The following EYS variants were observed in gnomAD, a reference collection of about 807,000 sequenced individuals.
EYS encodes protein eyes shut homolog.
Under a neutral mutation model 282.1 loss-of-function variants are expected in EYS, and 250 were observed. The observed-to-expected ratio is 0.89, with a 90% CI of 0.80 to 0.98. The LOEUF is 0.98. Ranked by LOEUF, EYS falls within the 50% of genes least tolerant of loss-of-function variation. The pLI, the probability that EYS is intolerant of heterozygous loss-of-function variation, is 0.00. For synonymous variants in EYS, 1,355 were observed against 1,282.9 expected, an observed-to-expected ratio of 1.06 and a Z score of -1.20; for missense variants, 4,016 against 3,709.0, an observed-to-expected ratio of 1.08 and a Z score of -2.15.
At chr6:64,095,902 C>A (rs1404714348) in intron 31 of EYS, among the ~76,000 whole-genome samples, 1 of 152,212 alleles carries the variant, frequency 6.6e-6, no homozygotes, top group Admixed American at 6.5e-5. Flanking sequence ...CCGGTTGCTC[C>A]TTTCCATGTT....
chr6:65,205,361 C>G (rs1173987745), intron 12 of EYS, among the ~76,000 whole-genome samples: 1 of 151,582 alleles, frequency 6.6e-6, no homozygotes, highest in South Asian at 2.1e-4. Context: ...TTTAACTATT[C>G]TAAATATATA....
intron 31 of EYS, among the ~76,000 whole-genome samples, chr6:64,166,659 G>A (rs968814869): frequency 6.6e-6 from 1 of 152,178 alleles, no homozygotes; most frequent in South Asian, 2.1e-4. Flanking sequence ...GGCAAAGTTG[G>A]TGCTAATGAA....
At chr6:65,154,119 TC>T (rs1469029462) in intron 12 of EYS, among the ~76,000 whole-genome samples, 1 of 151,818 alleles carries the variant, frequency 6.6e-6, no homozygotes, top group Non-Finnish European at 1.5e-5. Context: ...AGGGCTCAAG[TC>T]TTTTGAACCT....
chr6:63,854,475 C>A lies in EYS; in HGVS notation c.7228+9711G>T, dbSNP rs1300706335. 3.9e-5 allele frequency among the ~76,000 whole-genome samples: 6 copies of A among 152,022 alleles called. No homozygotes were observed. In the East Asian group the frequency reaches 1.2e-3, roughly 29 times the overall value. On this transcript the variant is annotated intron_variant, in intron 36 of 42. Coordinates refer to ENST00000503581, the MANE Select transcript of EYS (RefSeq NM_001142800.2). ...TCAGGGGGTGGGTGGCAAGGGGAGG[C>A]ATAGGATTAGCACAAATACCTAATG...
intron 32 of EYS, among the ~76,000 whole-genome samples, chr6:64,072,893 C>A (rs1771642041): frequency 1.3e-5 from 2 of 151,714 alleles, no homozygotes; most frequent in Non-Finnish European, 2.9e-5. Flanking sequence ...AGCTGTTGTG[C>A]CATATGTACA....
rs940140073 is a variant in EYS at position 63,861,169 on chromosome 6, C to T, written c.7228+3017G>A. Among the ~76,000 whole-genome samples the T allele has an allele frequency of 1.5e-4, 23 of 152,232 alleles. No individual in the cohort carries two copies. The South Asian group carries it at 3.9e-3, about 26-fold the overall frequency. On this transcript the variant is annotated intron_variant, in intron 36 of 42. Transcript: ENST00000503581. ...CTTGTTTACCTCCCAATATAATAAA[C>T]GGTTTCCTACAAAAGAAGCTGTTAT...
intron 13 of EYS, among the ~76,000 whole-genome samples, chr6:65,000,271 T>G (rs1257952175): frequency 6.6e-6 from 1 of 152,202 alleles, no homozygotes; most frequent in Non-Finnish European, 1.5e-5. Flanking sequence ...CTTTCCCATT[T>G]CAACTGCATT....
At chr6:63,857,810 C>T (rs2149706655) in intron 36 of EYS, 1 of 198,982 alleles carries the variant, frequency 5.0e-6, no homozygotes, top group Non-Finnish European at 1.1e-5. Flanking sequence ...AAGGAGGATA[C>T]ACAAAAAATA....
intron 19 of EYS, among the ~76,000 whole-genome samples, chr6:64,825,353 T>C (rs1476077107): frequency 6.6e-6 from 1 of 151,942 alleles, no homozygotes; most frequent in Non-Finnish European, 1.5e-5. Flanking sequence ...CATCTTTTTT[T>C]TCTTTTTCTC....
chr6:64,051,063 G>A (rs1014613861), intron 33 of EYS, among the ~76,000 whole-genome samples: 1 of 152,074 alleles, frequency 6.6e-6, no homozygotes, highest in Non-Finnish European at 1.5e-5. Flanking sequence ...ATGAATGTAG[G>A]GAATAGTTAG....
intron 31 of EYS, among the ~76,000 whole-genome samples, chr6:64,171,046 A>G (rs1764463293): frequency 6.6e-6 from 1 of 152,160 alleles, no homozygotes; most frequent in African/African-American, 2.4e-5. Context: ...TATATTGCTT[A>G]TCCGTAAATT....
At chr6:65,355,949 T>C (rs955953891) in intron 8 of EYS, among the ~76,000 whole-genome samples, 5 of 152,018 alleles carry the variant, frequency 3.3e-5, no homozygotes, top group African/African-American at 1.2e-4. Context: ...AACAGAAATG[T>C]GATTTGATCC....
At chr6:63,857,379 G>T in intron 36 of EYS, 1 of 155,786 alleles carries the variant, frequency 6.4e-6, no homozygotes, top group Non-Finnish European at 1.4e-5. Context: ...AAACTTAGCT[G>T]GGTACATTAG....
intron 14 of EYS, among the ~76,000 whole-genome samples, chr6:64,958,640 C>A (rs1159681861): frequency 1.4e-5 from 2 of 139,104 alleles, no homozygotes; most frequent in Non-Finnish European, 3.0e-5. Flanking sequence ...GAGGCTGAGG[C>A]AGGAGGATGG....
intron 36 of EYS, among the ~76,000 whole-genome samples, chr6:63,854,966 A>C (rs1451292643): frequency 6.6e-6 from 1 of 152,228 alleles, no homozygotes; most frequent in East Asian, 1.9e-4. Context: ...ATAAAAAGAG[A>C]ATTAATATTT....
At chr6:65,688,476 A>T (rs1237049532) in intron 1 of EYS, among the ~76,000 whole-genome samples, 2 of 152,190 alleles carry the variant, frequency 1.3e-5, no homozygotes, top group Non-Finnish European at 2.9e-5. Context: ...AAACCATAAA[A>T]ACCCTAGAAG....
intron 2 of EYS, among the ~76,000 whole-genome samples, chr6:65,537,768 C>T (rs778862500): frequency 5.3e-5 from 8 of 152,142 alleles, no homozygotes; most frequent in East Asian, 1.9e-4. Flanking sequence ...GAATATTCAT[C>T]GGATGAGCCA....
chr6:63,723,563 T>C, intron 42 of EYS, among the ~76,000 whole-genome samples: 1 of 152,040 alleles, frequency 6.6e-6, no homozygotes, highest in Non-Finnish European at 1.5e-5. Context: ...CTGTGATCTA[T>C]ACTATCACTG....
intron 26 of EYS, among the ~76,000 whole-genome samples, chr6:64,460,761 G>A (rs768781986): frequency 3.3e-5 from 5 of 152,322 alleles, no homozygotes; most frequent in Middle Eastern, 3.4e-3. Flanking sequence ...AAGAGGAGGA[G>A]TAGAGGTGTT....
Sources: allele counts gnomAD v4.1 joint callset (sites outside exome capture counted in the v4.1 genomes callset), GRCh38; gene constraint gnomAD v4.1.1; transcripts MANE v1.5; gene names NCBI Gene and HGNC (gene_info 2026-07-23, HGNC 2026-07-21).